The following ARSF variants were observed in gnomAD, a reference collection of about 807,000 sequenced individuals.
ARSF encodes the protein arylsulfatase F.
In ARSF, 33 loss-of-function variants were observed where a neutral mutation model predicts 35.4. That is an observed-to-expected ratio of 0.93 (90% confidence interval 0.71 to 1.25). ARSF has a LOEUF of 1.25. ARSF is among the 50% of genes most tolerant of loss of function. ARSF has a pLI of 0.00. For synonymous variants in ARSF, 222 were observed against 193.1 expected (o/e 1.15, Z -1.24); for missense variants, 501 against 480.2 (o/e 1.04, Z -0.40).
chrX:3,077,412 G>A (rs956057918), intron 4 of ARSF, among the ~76,000 whole-genome samples: 1 of 111,997 alleles, frequency 8.9e-6, no homozygotes, highest in South Asian at 3.8e-4. Context: ...GCCAAGGCAG[G>A]TGGATCACTT....
At chrX:3,081,393 G>A (rs2090200831) in intron 5 of ARSF, among the ~76,000 whole-genome samples, 1 of 111,907 alleles carries the variant, frequency 8.9e-6, no homozygotes, top group African/African-American at 3.2e-5. Flanking sequence ...CTGGAGCACA[G>A]TGGCACAATC....
chrX:3,074,100 T>A (rs2090129246), intron 3 of ARSF, among the ~76,000 whole-genome samples: 1 of 110,571 alleles, frequency 9.0e-6, no homozygotes, highest in Non-Finnish European at 1.9e-5. Context: ...GAAAAAGTAG[T>A]CGCCAAAAAT....
upstream of ARSF, among the ~76,000 whole-genome samples, chrX:3,041,299 C>CTTTT (rs35885735): frequency 2.3e-5 from 2 of 87,424 alleles, no homozygotes; most frequent in African/African-American, 4.4e-5. Context: ...TTTTCTTTTT[C>CTTTT]TTTTTTTTTT....
rs2090195566 is a variant in ARSF at position 3,080,836 on chromosome X, A to G, written c.284-55A>G. ...ATGTGCAAATTTTGTAGTGACAAAA[A>G]TATTCCCTCTGTAGCAACACCTACT... On this transcript the variant is annotated intron_variant, in intron 4 of 10. Transcript: ENST00000381127. 8 of 1,193,191 alleles carry G rather than the reference A, an allele frequency of 6.7e-6. No individual in the cohort carries two copies. In the Middle Eastern group the frequency reaches 9.4e-4, roughly 140 times the overall value.
At chrX:3,057,259 G>A (rs1203872316) in intron 1 of ARSF, among the ~76,000 whole-genome samples, 1 of 112,320 alleles carries the variant, frequency 8.9e-6, no homozygotes, top group Admixed American at 9.5e-5. Context: ...ATTATCTGTT[G>A]CATCAGAAAT....
At chrX:3,087,106 C>A (rs910788172) in intron 6 of ARSF, among the ~76,000 whole-genome samples, 1 of 111,578 alleles carries the variant, frequency 9.0e-6, no homozygotes, top group Admixed American at 9.6e-5. Context: ...ACCCAGATAA[C>A]CCAGGATAAT....
chrX:3,059,370 C>T (rs907183918), intron 1 of ARSF, among the ~76,000 whole-genome samples: 6 of 111,529 alleles, frequency 5.4e-5, no homozygotes, highest in Non-Finnish European at 9.4e-5. Flanking sequence ...CAGCTCCCAG[C>T]GTGATCAACA....
chrX:3,084,212 T>C, intron 5 of ARSF, 31 bp from the exon 6 acceptor site: 1 of 1,198,399 alleles, frequency 8.3e-7, no homozygotes, highest in Admixed American at 2.2e-5. Flanking sequence ...GACATATTGA[T>C]GCGTAGATGT....
intron 1 of ARSF, among the ~76,000 whole-genome samples, chrX:3,048,954 C>T (rs2089985797): frequency 8.9e-6 from 1 of 112,496 alleles, no homozygotes; most frequent in East Asian, 2.8e-4. Flanking sequence ...GTTTGAGAAA[C>T]CTTATCAAAT....
At chrX:3,094,741 G>A in intron 7 of ARSF, among the ~76,000 whole-genome samples, 1 of 110,322 alleles carries the variant, frequency 9.1e-6, no homozygotes, top group South Asian at 3.8e-4. Flanking sequence ...ACACAGCTTG[G>A]GCAGCAACCC....
chrX:3,071,946 CTGTTG>C (rs1053613379), intron 2 of ARSF, 75 bp from the exon 3 acceptor site: 32 of 1,036,393 alleles, frequency 3.1e-5, no homozygotes, highest in African/African-American at 5.6e-5. Flanking sequence ...CCAAAGACCC[CTGTTG>C]TGTTGTGTTG....
At chrX:3,062,238 T>C (rs370857215) in intron 1 of ARSF, among the ~76,000 whole-genome samples, 1 of 112,090 alleles carries the variant, frequency 8.9e-6, no homozygotes, top group African/African-American at 3.2e-5. Context: ...GAAATAAATA[T>C]GTTCTTTGAA....
rs191402939 is a variant in ARSF at position 3,071,854 on chromosome X, G to A, written c.12-172G>A. On this transcript the variant is annotated intron_variant, in intron 2 of 10. Transcript: ENST00000381127. ...ATAACGCATTACGTTGGGCACTTCC[G>A]CTACCATTCAGCAGCAGTGCTCGGT... Among the ~76,000 whole-genome samples, 178 of 111,444 alleles carry A rather than the reference G, an allele frequency of 1.6e-3. 1 individual carries two copies. The highest frequency in any genetic ancestry group is 5.3e-3 in the African/African-American group (162 of 30,687).
chrX:3,112,145 A>G, intron 10 of ARSF, 29 bp from the exon 11 acceptor site: 1 of 1,157,166 alleles, frequency 8.6e-7, no homozygotes, highest in Admixed American at 2.3e-5. Flanking sequence ...AGTGCGCATC[A>G]TTTGACGAGT....
chrX:3,076,482 C>T, intron 3 of ARSF, 66 bp from the exon 4 acceptor site: 2 of 1,116,733 alleles, frequency 1.8e-6, no homozygotes, highest in Non-Finnish European at 2.4e-6. Flanking sequence ...TCTCGCTCTT[C>T]CTCTCTGCTT....
At chrX:3,053,954 G>T (rs1383686739) in intron 1 of ARSF, among the ~76,000 whole-genome samples, 5 of 109,711 alleles carry the variant, frequency 4.6e-5, no homozygotes, top group South Asian at 4.0e-4. Context: ...TAGAGACAGG[G>T]TTTCACCATG....
intron 8 of ARSF, among the ~76,000 whole-genome samples, chrX:3,102,918 A>C (rs1345832051): frequency 2.7e-5 from 3 of 111,113 alleles, no homozygotes; most frequent in Non-Finnish European, 5.7e-5. Flanking sequence ...CTCAAAAAAA[A>C]AAAAATTAAC....
chrX:3,107,532 C>CA (rs1433145754), intron 9 of ARSF, among the ~76,000 whole-genome samples: 8 of 111,081 alleles, frequency 7.2e-5, no homozygotes, highest in African/African-American at 2.0e-4. Flanking sequence ...AACTGCAGAT[C>CA]AAAAGTATTT....
In ARSF at chrX:3,050,651, T is replaced by C. The variant is rs1347168514; in HGVS notation, c.-29+8988T>C. On this transcript the variant is annotated intron_variant, in intron 1 of 10. Transcript: ENST00000381127. ...AGAGATCAAGTGTATGGTTGACCTTTAGACTTGGGGTTTTATAGGTTGGCA... is the reference window on the plus strand; with the variant it reads ...AGAGATCAAGTGTATGGTTGACCTTCAGACTTGGGGTTTTATAGGTTGGCA... Among the ~76,000 whole-genome samples the C allele has an allele frequency of 1.5e-3, 165 of 110,959 alleles. 1 individual carries two copies. Among genetic ancestry groups the C allele is most frequent in the African/African-American group, 5.0e-3 (152 of 30,565 alleles).
Sources: gnomAD v4.1 joint callset for allele counts (sites outside exome capture counted in the v4.1 genomes callset) on GRCh38, gnomAD v4.1.1 for gene constraint, MANE v1.5 for transcripts, NCBI Gene and HGNC (gene_info 2026-07-23, HGNC 2026-07-21) for gene names.